The following GPR158 variants were observed in gnomAD, a reference collection of about 807,000 sequenced individuals.
The protein encoded by GPR158 is metabotropic glycine receptor.
In GPR158, 30 loss-of-function variants were observed where a neutral mutation model predicts 78.2. That is an observed-to-expected ratio of 0.38 (90% CI 0.29 to 0.52). The LOEUF (loss-of-function observed/expected upper bound fraction) is 0.52. Ranked by LOEUF, GPR158 falls within the 20% of genes least tolerant of loss-of-function variation. The probability of loss-of-function intolerance (pLI) is 0.83; values close to 1 mark genes in which losing one functional copy is unlikely to be tolerated. For synonymous variants in GPR158, 581 were observed against 591.1 expected (o/e 0.98, Z 0.25); for missense variants, 1,463 against 1,523.5 (o/e 0.96, Z 0.66).
rs1384157567 is a variant in GPR158 at position 25,598,902 on chromosome 10, T to C, written c.3276T>C (p.Thr1092=). The C allele has an allele frequency of 6.2e-7, 1 of 1,613,912 alleles. No individual in the cohort carries two copies. The highest frequency in any genetic ancestry group is 1.1e-5 in the South Asian group (1 of 91,062). The stretch of plus-strand genomic sequence containing the variant: ...ATGAGAAGCTTTTGATTTCCAAGAC[T>C]CCAGTTCTCCCAGAGAGGGCAAAAG... ...LEDEKLLISK[T]PVLPERAKEE... The change falls in exon 11 of 11, where the codon ACT becomes ACC. Residue 1092 remains threonine (T), a synonymous_variant. Coordinates refer to ENST00000376351, the MANE Select transcript of GPR158 (RefSeq NM_020752.3).
intron 1 of GPR158, among the ~76,000 whole-genome samples, chr10:25,183,204 A>G (rs1046281214): frequency 6.6e-6 from 1 of 152,102 alleles, no homozygotes; most frequent in African/African-American, 2.4e-5. Context: ...ACCTATACAA[A>G]TATTTGGGTA....
At chr10:25,207,158 G>A (rs1171673244) in intron 1 of GPR158, among the ~76,000 whole-genome samples, 1 of 152,038 alleles carries the variant, frequency 6.6e-6, no homozygotes, top group African/African-American at 2.4e-5. Context: ...GCTGATCGCT[G>A]CAAAACACAA....
intron 5 of GPR158, among the ~76,000 whole-genome samples, chr10:25,537,606 C>T (rs1328596748): frequency 6.6e-6 from 1 of 152,078 alleles, no homozygotes; most frequent in African/African-American, 2.4e-5. Flanking sequence ...TCTCAATACA[C>T]ATTTACAGTA....
chr10:25,220,029 T>C (rs1416780318), intron 1 of GPR158, among the ~76,000 whole-genome samples: 1 of 152,228 alleles, frequency 6.6e-6, no homozygotes, highest in Admixed American at 6.5e-5. Context: ...AGGCTACTTT[T>C]ATATTTTATG....
chr10:25,292,569 G>T lies in GPR158; in HGVS notation c.1008+71412G>T, dbSNP rs543661484. Among the ~76,000 whole-genome samples, 10 of 152,184 alleles carry T rather than the reference G, an allele frequency of 6.6e-5. No homozygotes were observed. The South Asian group carries it at 2.1e-3, about 32-fold the overall frequency. ...TATATAGCAGAATCATTGAATGAGG[G>T]AGTAAACAGTTGGAGAATGGGAAGT... is the stretch of plus-strand genomic sequence containing the variant. On this transcript the variant is annotated intron_variant, in intron 2 of 10. Coordinates refer to ENST00000376351, the MANE Select transcript of GPR158 (RefSeq NM_020752.3).
rs1302518287 is a variant in GPR158, at chr10:25,601,017, C to G, written c.*1743C>G. On this transcript the variant is annotated 3_prime_UTR_variant, in exon 11 of 11. Coordinates refer to ENST00000376351, the MANE Select transcript of GPR158 (RefSeq NM_020752.3). ...CAACTGCTTATTTGGCCAGGACACT[C>G]CCAGCACAAATAACTATTTTTTATG... 2 of 152,128 alleles carry G rather than the reference C, an allele frequency of 1.3e-5. No individual in the cohort carries two copies. The highest frequency in any genetic ancestry group is 4.8e-5 in the African/African-American group (2 of 41,410). 9.4% of individuals were successfully genotyped at this position (152,128 alleles called of 1,614,324 possible).
chr10:25,434,941 G>A (rs1189492838), intron 4 of GPR158, among the ~76,000 whole-genome samples: 2 of 74,428 alleles, frequency 2.7e-5, no homozygotes. Context: ...AGATATATAT[G>A]CATTAGATGT....
chr10:25,408,249 A>G (rs535024821), intron 3 of GPR158, among the ~76,000 whole-genome samples: 2 of 152,254 alleles, frequency 1.3e-5, no homozygotes, highest in East Asian at 3.9e-4. Flanking sequence ...TACTTTTTTG[A>G]TTAATTTAAC....
chr10:25,463,436 TGGA>T, intron 4 of GPR158, among the ~76,000 whole-genome samples: 1 of 144,824 alleles, frequency 6.9e-6, no homozygotes, highest in African/African-American at 2.6e-5. Context: ...GATGGATGGA[TGGA>T]CAGATATATA....
chr10:25,269,714 C>A (rs34616254), intron 2 of GPR158, among the ~76,000 whole-genome samples: 9,386 of 152,224 alleles, frequency 0.062, 398 homozygotes, highest in Middle Eastern at 0.12. Flanking sequence ...AATGAAATTG[C>A]AGCTGTTTTC....
intron 1 of GPR158, among the ~76,000 whole-genome samples, chr10:25,182,638 C>T (rs1408326014): frequency 1.3e-5 from 2 of 152,222 alleles, no homozygotes; most frequent in East Asian, 3.8e-4. Context: ...CCAAATGTTA[C>T]TTTCAACTCC....
At chr10:25,361,677 CTGA>C (rs1855643375) in intron 2 of GPR158, among the ~76,000 whole-genome samples, 2 of 152,000 alleles carry the variant, frequency 1.3e-5, no homozygotes, top group South Asian at 4.1e-4. Context: ...TTGCATTTCC[CTGA>C]TGATTAGTTC....
chr10:25,427,824 C>G (rs1440971125), intron 4 of GPR158, among the ~76,000 whole-genome samples: 1 of 151,984 alleles, frequency 6.6e-6, no homozygotes, highest in Non-Finnish European at 1.5e-5. Flanking sequence ...TACTGTTTTT[C>G]TTAAGTTAAC....
intron 2 of GPR158, among the ~76,000 whole-genome samples, chr10:25,352,963 T>C (rs1018358798): frequency 1.1e-4 from 17 of 152,058 alleles, no homozygotes; most frequent in African/African-American, 3.9e-4. Context: ...TATGCAGTGC[T>C]AGAAAGGAGA....
chr10:25,481,031 A>T (rs1835658263), intron 5 of GPR158, among the ~76,000 whole-genome samples: 1 of 152,200 alleles, frequency 6.6e-6, no homozygotes, highest in South Asian at 2.1e-4. Context: ...AGTCAGTCAG[A>T]CACATAGGAG....
In GPR158 at chr10:25,594,373, C is replaced by A; in HGVS notation, c.1974C>A (p.Thr658=). The A allele has an allele frequency of 6.4e-7, 1 of 1,551,828 alleles. No individual in the cohort carries two copies. Among genetic ancestry groups the A allele is most frequent in the South Asian group, 1.1e-5 (1 of 88,084 alleles). ...FAHTHLTVTV[T]IGLLLIPKFS... ...ATACTCATTTGACTGTGACAGTCAC[C>A]ATTGGGTTGCTTTTGATTCCAAAGG... Residue 658 remains threonine (T), a synonymous_variant, in exon 9 of 11, where the codon ACC becomes ACA. Coordinates refer to ENST00000376351, the MANE Select transcript of GPR158 (RefSeq NM_020752.3).
chr10:25,466,518 C>G (rs1344004198), intron 4 of GPR158, 133 bp from the exon 5 acceptor site: 1 of 567,376 alleles, frequency 1.8e-6, no homozygotes, highest in African/African-American at 1.9e-5. Flanking sequence ...TGAATACTAA[C>G]CAATTTTCAT....
chr10:25,573,970 G>C (rs919642067), intron 7 of GPR158, among the ~76,000 whole-genome samples: 1 of 151,808 alleles, frequency 6.6e-6, no homozygotes, highest in Non-Finnish European at 1.5e-5. Flanking sequence ...CACTAAGGTA[G>C]GAAGCGACTC....
intron 2 of GPR158, among the ~76,000 whole-genome samples, chr10:25,293,429 A>C (rs939870208): frequency 1.5e-4 from 23 of 152,214 alleles, no homozygotes; most frequent in African/African-American, 5.1e-4. Flanking sequence ...CCTTGTTTAG[A>C]AGATTAAATG....
Sources: gnomAD v4.1 joint callset for allele counts (sites outside exome capture counted in the v4.1 genomes callset) on GRCh38, gnomAD v4.1.1 for gene constraint, MANE v1.5 for transcripts, NCBI Gene and HGNC (gene_info 2026-07-23, HGNC 2026-07-21) for gene names.